The following BFAR variants were observed in gnomAD, a reference collection of about 807,000 sequenced individuals.
BFAR encodes bifunctional apoptosis regulator, also known as RING finger protein 47.
Under a neutral mutation model 54.4 loss-of-function variants are expected in BFAR, and 52 were observed. That is an observed-to-expected ratio of 0.96 (90% confidence interval 0.77 to 1.21). The LOEUF is 1.21. Ranked by LOEUF, BFAR falls within the 50% of genes most tolerant of loss-of-function variation. The pLI, the probability that BFAR is intolerant of heterozygous loss-of-function variation, is 0.00. For synonymous variants in BFAR, 215 were observed against 204.3 expected (o/e 1.05, Z -0.45); for missense variants, 571 against 534.0 (o/e 1.07, Z -0.68).
At chr16:14,643,283 C>CTGGCT (rs1188728376) in intron 1 of BFAR, among the ~76,000 whole-genome samples, 1 of 151,798 alleles carries the variant, frequency 6.6e-6, no homozygotes, top group East Asian at 1.9e-4. Context: ...GCACTCCAGC[C>CTGGCT]TGGCTGATAG....
At chr16:14,649,776 G>C (rs1473607899) in intron 3 of BFAR, 28 bp from the exon 4 acceptor site, 1 of 1,568,584 alleles carries the variant, frequency 6.4e-7, no homozygotes, top group Non-Finnish European at 8.7e-7. Flanking sequence ...CCTCTCCATG[G>C]TTTAAAGTCC....
rs55673619 is a variant in BFAR, at chr16:14,654,493, C to CTTTTTTT, written c.639-554_639-548dup. On this transcript the variant is annotated intron_variant, in intron 4 of 7. Transcript: ENST00000261658. ...ACCTTATTTCTCTAAGTGAGTTTTC[C>CTTTTTTT]TTTTTTTTTTTTTTTTTTTTTTTTT... is the stretch of plus-strand genomic sequence containing the variant. Among the ~76,000 whole-genome samples the CTTTTTTT allele has an allele frequency of 2.4e-4, 21 of 89,170 alleles. 1 individual carries two copies. The highest frequency in any genetic ancestry group is 4.3e-4 in the African/African-American group (9 of 20,894). The allele number at this position is 89,170 out of a possible 152,430, so 58.5% of individuals were successfully genotyped here.
In BFAR at chr16:14,646,520, T is replaced by C. The variant is rs992233935; in HGVS notation, c.264-1868T>C. On this transcript the variant is annotated intron_variant, in intron 2 of 7. Transcript: ENST00000261658. The stretch of plus-strand genomic sequence containing the variant: ...CAGCTAAAATTTTTTTTTTTTAAGA[T>C]GGAGCTTCACCCTTGTTGCCCGGGC... Among the ~76,000 whole-genome samples, 13 of 147,406 alleles carry C rather than the reference T, an allele frequency of 8.8e-5. No individual in the cohort carries two copies. The East Asian group carries it at 2.5e-3, about 28-fold the overall frequency.
intron 2 of BFAR, 35 bp from the exon 3 acceptor site, chr16:14,648,353 C>G: frequency 5.2e-6 from 8 of 1,541,094 alleles, no homozygotes; most frequent in Non-Finnish European, 7.1e-6. Flanking sequence ...TTTAGTCAAA[C>G]AACTGTCTTA....
At chr16:14,665,535 G>A (rs989941620) in intron 7 of BFAR, among the ~76,000 whole-genome samples, 6 of 152,156 alleles carry the variant, frequency 3.9e-5, no homozygotes, top group Non-Finnish European at 8.8e-5. Flanking sequence ...GTCTTGGATG[G>A]TAGCGAGACA....
intron 2 of BFAR, among the ~76,000 whole-genome samples, chr16:14,646,121 G>A (rs1162325155): frequency 6.6e-6 from 1 of 152,032 alleles, no homozygotes; most frequent in African/African-American, 2.4e-5. Context: ...GCGTGATCTC[G>A]ACTTACCACA....
At chr16:14,656,567 G>A (rs1333577109) in intron 5 of BFAR, among the ~76,000 whole-genome samples, 1 of 151,888 alleles carries the variant, frequency 6.6e-6, no homozygotes, top group Non-Finnish European at 1.5e-5. Flanking sequence ...TGGAACACCA[G>A]CAAGTACCTG....
chr16:14,652,166 G>A (rs538667989), intron 4 of BFAR, among the ~76,000 whole-genome samples: 7 of 152,038 alleles, frequency 4.6e-5, no homozygotes, highest in Admixed American at 1.3e-4. Context: ...AATTATAGGC[G>A]TGAGCCACCG....
intron 6 of BFAR, 118 bp downstream of exon 6, chr16:14,662,183 C>G: frequency 8.3e-7 from 1 of 1,200,058 alleles, no homozygotes; most frequent in Non-Finnish European, 1.2e-6. Flanking sequence ...TTCAGAATGT[C>G]TGGTAGGTCA....
chr16:14,639,637 T>C (rs1005321037), intron 1 of BFAR, among the ~76,000 whole-genome samples: 2 of 152,200 alleles, frequency 1.3e-5, no homozygotes, highest in Admixed American at 1.3e-4. Context: ...ACAAGTTCTT[T>C]AGTTACATGC....
chr16:14,638,957 A>G (rs751606056), intron 1 of BFAR, among the ~76,000 whole-genome samples: 8 of 152,168 alleles, frequency 5.3e-5, no homozygotes, highest in Non-Finnish European at 1.2e-4. Context: ...AAGAAAAAAA[A>G]AAAAAGAAAA....
At chr16:14,660,844 T>G (rs1243975252) in intron 5 of BFAR, among the ~76,000 whole-genome samples, 1 of 151,830 alleles carries the variant, frequency 6.6e-6, no homozygotes, top group East Asian at 2.0e-4. Flanking sequence ...GACGTTGCAG[T>G]GAGCCAAAAA....
At position 14,664,947 on chromosome 16, in the gene BFAR, G is replaced by T; in HGVS notation, c.1036G>T (p.Glu346Ter). Reference protein sequence around the residue: ...YSFLPYQLIAEFAWDWLEVHY... With the variant: ...YSFLPYQLIA ...CTTCCTTCCATACCAGCTGATTGCT[G>T]AGTTTGCTTGGGACTGGTTGGAGGT... The change falls in exon 7 of 8, where the codon GAG (glutamate) becomes TAG (stop). Residue 346 changes from glutamate (E) to a stop codon, truncating the protein, a stop_gained. Transcript: ENST00000261658. LOFTEE classifies it high-confidence loss of function. 6.2e-7 allele frequency: 1 copy of T among 1,614,034 alleles called. No individual in the cohort carries two copies.
intron 1 of BFAR, among the ~76,000 whole-genome samples, chr16:14,635,127 G>A (rs1345449001): frequency 6.6e-6 from 1 of 152,176 alleles, no homozygotes; most frequent in African/African-American, 2.4e-5. Context: ...TTGAGCTCAG[G>A]TGTTCAAGAT....
Position 14,668,833 on chromosome 16 carries a change from C to CT in BFAR, c.*1008dup, listed in dbSNP as rs1330613742. On this transcript the variant is annotated 3_prime_UTR_variant, in exon 8 of 8. Coordinates refer to ENST00000261658, the MANE Select transcript of BFAR (RefSeq NM_016561.3). Reference sequence around the variant, plus strand: ...CCTGGGTGACAGAGGGAGACTCTGTCTTAAAAAAAAAAAAAAAATCATCTG... The same window carrying CT: ...CCTGGGTGACAGAGGGAGACTCTGTCTTTAAAAAAAAAAAAAAAATCATCTG... 1 of 175,780 alleles carries CT rather than the reference C, an allele frequency of 5.7e-6. No individual in the cohort carries two copies. The highest frequency in any genetic ancestry group is 6.3e-5 in the Admixed American group (1 of 15,854). 10.9% of individuals were successfully genotyped at this position (175,780 alleles called of 1,614,324 possible). A position where few individuals can be genotyped will look rare whatever the true frequency, so the allele number is the denominator to read the frequency against.
chr16:14,634,368 A>G (rs1596959199), intron 1 of BFAR, among the ~76,000 whole-genome samples: 1 of 152,108 alleles, frequency 6.6e-6, no homozygotes, highest in South Asian at 2.1e-4. Context: ...GAGACATTGT[A>G]TTTCTCCAGG....
At chr16:14,666,474 G>C (rs1306544250) in intron 7 of BFAR, among the ~76,000 whole-genome samples, 1 of 152,152 alleles carries the variant, frequency 6.6e-6, no homozygotes, top group Non-Finnish European at 1.5e-5. Context: ...GGGAGGCTGA[G>C]GCAGGAGGAT....
rs764484052 is a variant in BFAR, at chr16:14,662,108, A to C, written c.957+43A>C. 4 of 1,604,142 alleles carry C rather than the reference A, an allele frequency of 2.5e-6. No individual in the cohort carries two copies. In the African/African-American group the frequency reaches 5.4e-5, roughly 21 times the overall value. The stretch of plus-strand genomic sequence containing the variant: ...CTGGAATAAAGTTATTCCACTGTCA[A>C]GTTATTTGCAGAGATTGCTACCCAC... On this transcript the variant is annotated intron_variant, in intron 6 of 7. Coordinates refer to ENST00000261658, the MANE Select transcript of BFAR (RefSeq NM_016561.3).
intron 5 of BFAR, among the ~76,000 whole-genome samples, chr16:14,659,234 G>GTTTTTTTTTTTTTT (rs1468503605): frequency 7.0e-6 from 1 of 142,774 alleles, no homozygotes; most frequent in Non-Finnish European, 1.5e-5. Context: ...GGTTTTTTTT[G>GTTTTTTTTTTTTTT]TTTTTTTTTG....
Sources: allele counts gnomAD v4.1 joint callset (sites outside exome capture counted in the v4.1 genomes callset), GRCh38; gene constraint gnomAD v4.1.1; transcripts MANE v1.5; gene names NCBI Gene and HGNC (gene_info 2026-07-23, HGNC 2026-07-21).